ACTR5: variants seen among roughly 807,000 people sequenced by gnomAD.
ACTR5 encodes actin related protein 5, also known as actin-related protein 5.
In ACTR5, 43 loss-of-function variants were observed where a neutral mutation model predicts 61.2. That is an observed-to-expected ratio of 0.70 (90% confidence interval 0.55 to 0.91). The LOEUF (loss-of-function observed/expected upper bound fraction) is 0.91, where lower values mean the gene tolerates loss of function less well. Among genes scored for constraint, ACTR5 ranks in the 40% least tolerant of loss-of-function variants. ACTR5 has a pLI of 0.00. For missense variants in ACTR5, 798 were observed against 782.2 expected, an observed-to-expected ratio of 1.02 and a Z score of -0.24; for synonymous variants, 333 against 310.5, an observed-to-expected ratio of 1.07 and a Z score of -0.76.
At chr20:38,752,651 G>C (rs1047982708) in intron 3 of ACTR5, among the ~76,000 whole-genome samples, 2 of 152,190 alleles carry the variant, frequency 1.3e-5, no homozygotes, top group Non-Finnish European at 2.9e-5. Context: ...CATCTATGCT[G>C]CAGAAACACC....
At position 38,750,169 on chromosome 20, in the gene ACTR5, T is replaced by G; in HGVS notation, c.535T>G (p.Ser179Ala). 6.2e-7 allele frequency: 1 copy of G among 1,614,208 alleles called. No homozygotes were observed. Among genetic ancestry groups the G allele is most frequent in the Non-Finnish European group, 8.5e-7 (1 of 1,180,030 alleles). Residue 179 changes from serine (S) to alanine (A), a missense_variant, in exon 2 of 9, where the codon TCG (serine) becomes GCG (alanine). Coordinates refer to ENST00000243903, the MANE Select transcript of ACTR5 (RefSeq NM_024855.4). ...FSFYHNKPKN[S>A]MCSGLIISSG... ...CTTCTACCACAATAAGCCAAAGAAC[T>G]CGATGTGCAGTGGGCTAATCATTTC...
intron 5 of ACTR5, among the ~76,000 whole-genome samples, chr20:38,765,117 G>C (rs1157087713): frequency 6.6e-6 from 1 of 152,252 alleles, no homozygotes; most frequent in African/African-American, 2.4e-5. Context: ...CTTCCACGGG[G>C]CCCAGCCATG....
At position 38,766,298 on chromosome 20, in the gene ACTR5, C is replaced by G. The variant is rs537247964; in HGVS notation, c.1354C>G (p.Pro452Ala). Residue 452 changes from proline to alanine, a missense_variant, in exon 7 of 9, where the codon CCA becomes GCA. Coordinates refer to ENST00000243903, the MANE Select transcript of ACTR5 (RefSeq NM_024855.4). Reference sequence around the variant, plus strand: ...TGTTGGGACAGAAAGAATTCGAGCTCCAGAGATTATTTTCCAGCCATCTCT... The same window carrying G: ...TGTTGGGACAGAAAGAATTCGAGCTGCAGAGATTATTTTCCAGCCATCTCT... ...LFVGTERIRA[P>A]EIIFQPSLIG... is the part of the protein sequence containing the mutation. 3 of 1,614,042 alleles carry G rather than the reference C, an allele frequency of 1.9e-6. No individual in the cohort carries two copies. The highest frequency in any genetic ancestry group is 2.5e-6 in the Non-Finnish European group (3 of 1,179,992).
At chr20:38,765,783 C>G (rs2084482796) in intron 6 of ACTR5, among the ~76,000 whole-genome samples, 1 of 152,184 alleles carries the variant, frequency 6.6e-6, no homozygotes, top group Admixed American at 6.5e-5. Flanking sequence ...TGAATACTGG[C>G]TTGTAATAGT....
intron 2 of ACTR5, among the ~76,000 whole-genome samples, chr20:38,750,537 G>A (rs1352624650): frequency 6.6e-6 from 1 of 152,186 alleles, no homozygotes; most frequent in Non-Finnish European, 1.5e-5. Context: ...TCTGCAGGTA[G>A]TAGGCATTCA....
intron 5 of ACTR5, among the ~76,000 whole-genome samples, chr20:38,760,792 T>C (rs2084449092): frequency 6.6e-6 from 1 of 152,198 alleles, no homozygotes; most frequent in Non-Finnish European, 1.5e-5. Context: ...AGTGGGTAGA[T>C]GGTAGTGCCT....
intron 8 of ACTR5, among the ~76,000 whole-genome samples, chr20:38,768,889 A>G (rs1444166407): frequency 6.6e-6 from 1 of 152,168 alleles, no homozygotes; most frequent in East Asian, 1.9e-4. Context: ...TAAGCAGGGA[A>G]TGTGATCTGA....
intron 8 of ACTR5, 54 bp from the exon 9 acceptor site, chr20:38,771,505 A>ACATT: frequency 6.4e-7 from 1 of 1,574,162 alleles, no homozygotes; most frequent in Non-Finnish European, 8.6e-7. Flanking sequence ...AGCCAGGTCA[A>ACATT]CATTCACTCC....
At chr20:38,767,702 C>A in intron 8 of ACTR5, 106 bp downstream of exon 8, 1 of 1,316,780 alleles carries the variant, frequency 7.6e-7, no homozygotes, top group Non-Finnish European at 1.0e-6. Flanking sequence ...ATTTTTGTGG[C>A]TTTTCTTCTG....
At chr20:38,759,944 T>C (rs1203934990) in intron 5 of ACTR5, among the ~76,000 whole-genome samples, 1 of 151,798 alleles carries the variant, frequency 6.6e-6, no homozygotes, top group Non-Finnish European at 1.5e-5. Flanking sequence ...GGAGGGAAGA[T>C]CACTTGTGCC....
In ACTR5 at chr20:38,767,502, T is replaced by C; in HGVS notation, c.1472T>C (p.Val491Ala). 1 of 1,614,070 alleles carries C rather than the reference T, an allele frequency of 6.2e-7. No homozygotes were observed. Among genetic ancestry groups the C allele is most frequent in the South Asian group, 1.1e-5 (1 of 91,072 alleles). ...ATTCAGGAAATGCTGGTTCAGAACG[T>C]TTTCCTCACTGGCGGCAACACGATG... ...KDIQEMLVQN[V>A]FLTGGNTMYP... Residue 491 changes from valine (V) to alanine (A), a missense_variant, in exon 8 of 9, where the codon GTT becomes GCT. Coordinates refer to ENST00000243903, the MANE Select transcript of ACTR5 (RefSeq NM_024855.4).
chr20:38,748,921 T>C, intron 1 of ACTR5, 68 bp downstream of exon 1: 1 of 1,517,502 alleles, frequency 6.6e-7, no homozygotes, highest in Non-Finnish European at 8.8e-7. Context: ...CTCCGCTCAC[T>C]CTGCTCTCGG....
Position 38,750,094 on chromosome 20 carries a change from G to C in ACTR5, c.460G>C (p.Glu154Gln), listed in dbSNP as rs1337543384. 3.1e-6 allele frequency: 5 copies of C among 1,614,058 alleles called. No homozygotes were observed. In the African/African-American group the frequency reaches 4.0e-5, roughly 13 times the overall value. Residue 154 changes from glutamate to glutamine, a missense_variant, in exon 2 of 9, where the codon GAG (glutamate) becomes CAG (glutamine). By Grantham distance (29) the Glu-to-Gln change is conservative (BLOSUM62 2). Coordinates refer to ENST00000243903, the MANE Select transcript of ACTR5 (RefSeq NM_024855.4). ...GCAAATGATGTCTGAGCTTCTTTTT[G>C]AGTGCTACGGGATTCCCAAGGTTGC... Reference protein sequence around the residue: ...SRQMMSELLFECYGIPKVAYG... With the variant: ...SRQMMSELLFQCYGIPKVAYG...
At position 38,757,436 on chromosome 20, in the gene ACTR5, C is replaced by G. The variant is rs541215468; in HGVS notation, c.1176+1397C>G. Among the ~76,000 whole-genome samples, 6 of 152,242 alleles carry G rather than the reference C, an allele frequency of 3.9e-5. No individual in the cohort carries two copies. In the East Asian group the frequency reaches 1.2e-3, roughly 29 times the overall value. On this transcript the variant is annotated intron_variant, in intron 5 of 8. Coordinates refer to ENST00000243903, the MANE Select transcript of ACTR5 (RefSeq NM_024855.4). ...AACAAAGGAACTTACTGCCTTGAGA[C>G]ATGTTTTAGGCAGGATAAACCAGAC...
At chr20:38,768,713 C>CTT (rs1336414808) in intron 8 of ACTR5, among the ~76,000 whole-genome samples, 2 of 152,144 alleles carry the variant, frequency 1.3e-5, no homozygotes, top group African/African-American at 4.8e-5. Flanking sequence ...TTGAGCCATT[C>CTT]TTATCAGGTG....
chr20:38,769,022 C>A (rs1201930649), intron 8 of ACTR5, among the ~76,000 whole-genome samples: 1 of 152,176 alleles, frequency 6.6e-6, no homozygotes, highest in African/African-American at 2.4e-5. Context: ...ACTCCACTCA[C>A]CAGGATTTAC....
In ACTR5 at chr20:38,756,234, CCT is replaced by C. The variant is rs1262071975; in HGVS notation, c.1176+196_1176+197del. On this transcript the variant is annotated intron_variant, in intron 5 of 8. Transcript: ENST00000243903. Reference sequence around the variant, plus strand: ...ATTTCACCCTGTAGATCCCCGGACCCCTGAGCGCAGAAAGTGCATTTAACGTA... The same window carrying C: ...ATTTCACCCTGTAGATCCCCGGACCCGAGCGCAGAAAGTGCATTTAACGTA... Among the ~76,000 whole-genome samples, 3 of 152,162 alleles carry C rather than the reference CCT, an allele frequency of 2.0e-5. No homozygotes were observed. In the South Asian group the frequency reaches 6.2e-4, roughly 32 times the overall value.
At position 38,767,571 on chromosome 20, in the gene ACTR5, T is replaced by A; in HGVS notation, c.1541T>A (p.Met514Lys). 1 of 1,613,950 alleles carries A rather than the reference T, an allele frequency of 6.2e-7. No individual in the cohort carries two copies. Among genetic ancestry groups the A allele is most frequent in the Non-Finnish European group, 8.5e-7 (1 of 1,179,910 alleles). Reference protein sequence around the residue: ...KARMEKELLEMRPFRSSFQVQ... With the variant: ...KARMEKELLEKRPFRSSFQVQ... ...AGAATGGAGAAGGAACTGTTGGAGA[T>A]GAGACCCTTCCGGTCTTCTTTTCAG... The change falls in exon 8 of 9, where the codon ATG becomes AAG. Residue 514 changes from methionine to lysine, a missense_variant. Coordinates refer to ENST00000243903, the MANE Select transcript of ACTR5 (RefSeq NM_024855.4).
At chr20:38,767,745 A>G in intron 8 of ACTR5, 149 bp downstream of exon 8, 1 of 856,990 alleles carries the variant, frequency 1.2e-6, no homozygotes, top group Non-Finnish European at 1.7e-6. Context: ...TTAAAGCAAA[A>G]TGGGAATCAT....
Sources: allele counts gnomAD v4.1 joint callset (sites outside exome capture counted in the v4.1 genomes callset), GRCh38; gene constraint gnomAD v4.1.1; transcripts MANE v1.5; gene names NCBI Gene and HGNC (gene_info 2026-07-23, HGNC 2026-07-21).